LSG1: variants seen among roughly 807,000 people sequenced by gnomAD.
The protein encoded by LSG1 is large subunit GTPase 1 homolog.
LSG1 carries 55 observed loss-of-function variants against 82.6 expected under a neutral mutation model. The observed-to-expected ratio is 0.67, with a 90% CI of 0.54 to 0.83. The LOEUF (loss-of-function observed/expected upper bound fraction) is 0.83. Ranked by LOEUF, LSG1 falls within the 40% of genes least tolerant of loss-of-function variation. LSG1 has a pLI of 0.00. For synonymous variants in LSG1, 272 were observed against 282.5 expected, an observed-to-expected ratio of 0.96 and a Z score of 0.37; for missense variants, 809 against 807.9, an observed-to-expected ratio of 1.00 and a Z score of -0.02.
chr3:194,654,084 T>G (rs1281716309), intron 7 of LSG1, among the ~76,000 whole-genome samples: 1 of 152,254 alleles, frequency 6.6e-6, no homozygotes, highest in Non-Finnish European at 1.5e-5. Context: ...CAGTTCATTT[T>G]ACATTTGTAT....
chr3:194,657,608 C>T (rs1357199745), intron 7 of LSG1, among the ~76,000 whole-genome samples: 2 of 151,990 alleles, frequency 1.3e-5, no homozygotes, highest in African/African-American at 2.4e-5. Flanking sequence ...GCTGTGTATA[C>T]GCCCTAGGCA....
rs780422332 is a variant in LSG1, at chr3:194,650,874, A to G, written c.1419+7T>C. On this transcript the variant is annotated splice_region_variant and intron_variant, in intron 10 of 13. Transcript: ENST00000265245. ...TAACTAGAGTGTTTCCAAAGCAGAA[A>G]GGATATTAGTGATACAGGAGGAACA... 5.0e-6 allele frequency: 8 copies of G among 1,606,634 alleles called. No homozygotes were observed. The highest frequency in any genetic ancestry group is 5.9e-6 in the Non-Finnish European group (7 of 1,176,500).
At chr3:194,661,139 G>A (rs1205558927) in intron 5 of LSG1, among the ~76,000 whole-genome samples, 1 of 152,210 alleles carries the variant, frequency 6.6e-6, no homozygotes, top group East Asian at 1.9e-4. Context: ...AATTAAAAGT[G>A]CATTTTCTTT....
rs772276018 is a variant in LSG1, at chr3:194,650,869, C to G, written c.1419+12G>C. The G allele has an allele frequency of 6.2e-7, 1 of 1,605,674 alleles. No homozygotes were observed. On this transcript the variant is annotated intron_variant, in intron 10 of 13. Coordinates refer to ENST00000265245, the MANE Select transcript of LSG1 (RefSeq NM_018385.3). Reference sequence around the variant, plus strand: ...CGTAATAACTAGAGTGTTTCCAAAGCAGAAAGGATATTAGTGATACAGGAG... The same window carrying G: ...CGTAATAACTAGAGTGTTTCCAAAGGAGAAAGGATATTAGTGATACAGGAG...
Position 194,666,285 on chromosome 3 carries a change from T to G in LSG1, c.352A>C (p.Asn118His). ...TCTGGGGTAGTATTTTGGTTCCAGT[T>G]TGGTCTGAAACAATCATAGAAGGAA... ...KQFLCIPRRP[N>H]WNQNTTPEEL... is the part of the protein sequence containing the mutation. Residue 118 changes from asparagine (N) to histidine (H), a missense_variant, in exon 4 of 14, where the codon AAC becomes CAC. Asn to His is a moderately conservative substitution (Grantham distance 68, BLOSUM62 1). Transcript: ENST00000265245. The G allele has an allele frequency of 6.2e-7, 1 of 1,614,058 alleles. No individual in the cohort carries two copies. Among genetic ancestry groups the G allele is most frequent in the Non-Finnish European group, 8.5e-7 (1 of 1,179,960 alleles).
chr3:194,646,225 G>A lies in LSG1; in HGVS notation c.1562C>T (p.Thr521Ile). 1.2e-6 allele frequency: 2 copies of A among 1,614,008 alleles called. No homozygotes were observed. The highest frequency in any genetic ancestry group is 8.5e-7 in the Non-Finnish European group (1 of 1,179,954). Residue 521 changes from threonine to isoleucine, a missense_variant, in exon 12 of 14, where the codon ACA (threonine) becomes ATA (isoleucine). Thr to Ile is a moderately conservative substitution (Grantham distance 89, BLOSUM62 -1). Transcript: ENST00000265245. ...TAYGYMRGFM[T>I]AHGQPDQPRS... is the part of the protein sequence containing the mutation. ...AGGCTGGTCTGGCTGTCCATGCGCTGTCATGAATCCTCGCATGTCTGTGGA... is the reference window on the plus strand; with the variant it reads ...AGGCTGGTCTGGCTGTCCATGCGCTATCATGAATCCTCGCATGTCTGTGGA...
chr3:194,666,802 G>T (rs112576348), intron 2 of LSG1, among the ~76,000 whole-genome samples: 1 of 152,148 alleles, frequency 6.6e-6, no homozygotes, highest in African/African-American at 2.4e-5. Flanking sequence ...ATTTCATACT[G>T]TGTCTATATC....
At chr3:194,648,909 C>T (rs567545352) in intron 10 of LSG1, 105 bp from the exon 11 acceptor site, 1 of 1,087,350 alleles carries the variant, frequency 9.2e-7, no homozygotes, top group Non-Finnish European at 1.4e-6. Flanking sequence ...GTGACAAACA[C>T]TCTCTCCTCT....
intron 5 of LSG1, chr3:194,660,842 C>T (rs541349520): frequency 2.6e-5 from 12 of 456,396 alleles, no homozygotes; most frequent in African/African-American, 2.4e-4. Flanking sequence ...GTGGCAAGCC[C>T]CTCAAATCCC....
intron 2 of LSG1, among the ~76,000 whole-genome samples, chr3:194,667,942 A>AAAAAAAATATAT (rs1416407494): frequency 2.3e-5 from 2 of 86,962 alleles, no homozygotes; most frequent in African/African-American, 9.7e-5. Flanking sequence ...AAAAAAAAAA[A>AAAAAAAATATAT]ATATATATAT....
chr3:194,644,761 T>G lies in LSG1; in HGVS notation c.1624-15A>C. On this transcript the variant is annotated splice_polypyrimidine_tract_variant and intron_variant, in intron 12 of 13. Transcript: ENST00000265245. ...AGCAGCTTACCCTACAAAGACAACA[T>G]GAATGACAACAGTGCAGCCTAAGTG... 1 of 1,596,020 alleles carries G rather than the reference T, an allele frequency of 6.3e-7. No homozygotes were observed. The highest frequency in any genetic ancestry group is 8.5e-7 in the Non-Finnish European group (1 of 1,170,238).
chr3:194,644,148 G>C (rs1488894493), intron 13 of LSG1, among the ~76,000 whole-genome samples: 1 of 152,004 alleles, frequency 6.6e-6, no homozygotes, highest in Non-Finnish European at 1.5e-5. Flanking sequence ...GGATCATGAG[G>C]TCAGGAGATC....
In LSG1 at chr3:194,652,908, A is replaced by G. The variant is rs1718706590; in HGVS notation, c.994T>C (p.Cys332Arg). ...SEEDGPKEEDCSQDWKESSTA... is the reference protein window; with the variant it reads ...SEEDGPKEEDRSQDWKESSTA... ...GAGCTTTCCTTCCAGTCCTGGCTGC[A>G]GTCCTCTTCCTTGGGACCGTCTTCT... Residue 332 changes from cysteine to arginine, a missense_variant, in exon 8 of 14, where the codon TGC (cysteine) becomes CGC (arginine). Coordinates refer to ENST00000265245, the MANE Select transcript of LSG1 (RefSeq NM_018385.3). The G allele has an allele frequency of 1.2e-6, 2 of 1,614,034 alleles. No homozygotes were observed. The highest frequency in any genetic ancestry group is 2.7e-5 in the African/African-American group (2 of 74,912).
rs41266989 is a variant in LSG1, at chr3:194,666,473, T to G, written c.326A>C (p.Gln109Pro). Reference sequence around the variant, plus strand: ...TCACCTCCTCGGTATACACAAGAACTGTTTGTTTTCTTCATGGAGCTTCTT... The same window carrying G: ...TCACCTCCTCGGTATACACAAGAACGGTTTGTTTTCTTCATGGAGCTTCTT... ...RIKKLHEENK[Q>P]FLCIPRRPNW... Residue 109 changes from glutamine (Q) to proline (P), a missense_variant, in exon 3 of 14, where the codon CAG (glutamine) becomes CCG (proline). Coordinates refer to ENST00000265245, the MANE Select transcript of LSG1 (RefSeq NM_018385.3). 1 of 1,614,040 alleles carries G rather than the reference T, an allele frequency of 6.2e-7. No individual in the cohort carries two copies. The highest frequency in any genetic ancestry group is 1.3e-5 in the African/African-American group (1 of 74,936).
chr3:194,666,641 T>A (rs1432142384), intron 2 of LSG1, 69 bp from the exon 3 acceptor site: 2 of 1,343,864 alleles, frequency 1.5e-6, no homozygotes, highest in African/African-American at 2.9e-5. Flanking sequence ...GTCATACTGA[T>A]AAACTGAGAA....
chr3:194,664,488 G>A (rs1718992867), intron 5 of LSG1, among the ~76,000 whole-genome samples: 1 of 152,156 alleles, frequency 6.6e-6, no homozygotes, highest in African/African-American at 2.4e-5. Context: ...ATACCAAAGA[G>A]GTGAGATTAG....
At chr3:194,658,114 C>T (rs1042685929) in intron 7 of LSG1, among the ~76,000 whole-genome samples, 11 of 152,242 alleles carry the variant, frequency 7.2e-5, no homozygotes, top group African/African-American at 2.2e-4. Flanking sequence ...TCCATCTCTA[C>T]GATTCTAATT....
At chr3:194,667,942 A>AAATATATATAT (rs1416407494) in intron 2 of LSG1, among the ~76,000 whole-genome samples, 21 of 86,962 alleles carry the variant, frequency 2.4e-4, no homozygotes, top group African/African-American at 9.2e-4. Context: ...AAAAAAAAAA[A>AAATATATATAT]ATATATATAT....
rs752600259 is a variant in LSG1, at chr3:194,659,094, C to T, written c.622G>A (p.Val208Ile). Residue 208 changes from valine to isoleucine, a missense_variant, in exon 7 of 14, where the codon GTC becomes ATC. Transcript: ENST00000265245. ...AAGTCTGCCTTGTTGATCAGAATGA[C>T]GTTCTCCTTATTGGCATCCATTTCT... ...VKEMDANKEN[V>I]ILINKADLLT... is the part of the protein sequence containing the mutation. 42 of 1,613,978 alleles carry T rather than the reference C, an allele frequency of 2.6e-5. No homozygotes were observed. Among genetic ancestry groups the T allele is most frequent in the Non-Finnish European group, 3.3e-5 (39 of 1,179,976 alleles).
Sources: gnomAD v4.1 joint callset for allele counts (sites outside exome capture counted in the v4.1 genomes callset) on GRCh38, gnomAD v4.1.1 for gene constraint, MANE v1.5 for transcripts, NCBI Gene and HGNC (gene_info 2026-07-23, HGNC 2026-07-21) for gene names.